Variants in ENY2 observed in about 807,000 individuals in gnomAD.
ENY2 encodes ENY2 transcription and export complex 2 subunit, also known as transcription and mRNA export factor ENY2.
ENY2 carries 4 observed loss-of-function variants against 15.9 expected under a neutral mutation model. The ratio of observed to expected loss-of-function variants is 0.25; its 90% CI spans 0.12 to 0.57. The LOEUF (loss-of-function observed/expected upper bound fraction) is 0.57, where lower values mean the gene tolerates loss of function less well. Among genes scored for constraint, ENY2 ranks in the 20% least tolerant of loss-of-function variants. The probability of loss-of-function intolerance (pLI) is 0.91; values close to 1 mark genes in which losing one functional copy is unlikely to be tolerated. For synonymous variants in ENY2, 48 were observed against 38.0 expected (o/e 1.26, Z -0.97); for missense variants, 54 against 117.2 (o/e 0.46, Z 2.49).
chr8:109,334,354 T>G lies in ENY2; in HGVS notation c.-115T>G. ...TGCGTGTTCTAGCTTTCTGTGTGCT[T>G]AGGTGCCCGAGCTACTGAGGGTCTA... On this transcript the variant is annotated 5_prime_UTR_variant, in exon 1 of 5. Transcript: ENST00000521688. The G allele has an allele frequency of 8.1e-6, 12 of 1,488,080 alleles. No homozygotes were observed. The highest frequency in any genetic ancestry group is 1.1e-5 in the Non-Finnish European group (12 of 1,078,014). The allele number at this position is 1,488,080 out of a possible 1,614,324, so 92.2% of individuals were successfully genotyped here.
intron 4 of ENY2, 130 bp downstream of exon 4, chr8:109,340,693 A>C (rs925646102): frequency 6.8e-5 from 79 of 1,164,722 alleles, no homozygotes; most frequent in Non-Finnish European, 8.8e-5. Flanking sequence ...TAAAGAGTTA[A>C]AATTGCCTAC....
chr8:109,334,408 T>C lies in ENY2; in HGVS notation c.-61T>C, dbSNP rs1233097278. The C allele has an allele frequency of 6.2e-7, 1 of 1,612,592 alleles. No individual in the cohort carries two copies. Among genetic ancestry groups the C allele is most frequent in the Non-Finnish European group, 8.5e-7 (1 of 1,179,408 alleles). On this transcript the variant is annotated 5_prime_UTR_variant, in exon 1 of 5. Transcript: ENST00000521688. ...CCGGGCAGCCGAAGAGTGTGGTAGG[T>C]AACGGTCCTCAGCGCAAGGGTCATT...
chr8:109,340,997 A>G (rs1174763849), intron 4 of ENY2, among the ~76,000 whole-genome samples: 1 of 152,150 alleles, frequency 6.6e-6, no homozygotes, highest in African/African-American at 2.4e-5. Context: ...CTACTTAAGA[A>G]TTTGGTAGCT....
At chr8:109,339,988 T>G (rs992915711) in intron 3 of ENY2, among the ~76,000 whole-genome samples, 2 of 152,152 alleles carry the variant, frequency 1.3e-5, no homozygotes, top group Non-Finnish European at 2.9e-5. Flanking sequence ...TGTGACAAAT[T>G]AGTAAAAGCA....
chr8:109,338,030 G>A (rs890946309), intron 2 of ENY2, among the ~76,000 whole-genome samples: 1 of 152,270 alleles, frequency 6.6e-6, no homozygotes, highest in South Asian at 2.1e-4. Flanking sequence ...GAGGGAGAGT[G>A]GAGATTAAGT....
intron 2 of ENY2, 120 bp from the exon 3 acceptor site, chr8:109,339,200 A>G: frequency 1.3e-6 from 1 of 795,462 alleles, no homozygotes; most frequent in South Asian, 1.7e-5. Flanking sequence ...ATTAGGCCAC[A>G]GTTAAAGTTT....
chr8:109,343,111 A>G (rs1816158809), intron 4 of ENY2, among the ~76,000 whole-genome samples: 1 of 152,342 alleles, frequency 6.6e-6, no homozygotes, highest in African/African-American at 2.4e-5. Context: ...AATCAAATTT[A>G]TCCATCTGTT....
chr8:109,341,379 G>A (rs185598807), intron 4 of ENY2, among the ~76,000 whole-genome samples: 6 of 151,932 alleles, frequency 3.9e-5, no homozygotes, highest in Admixed American at 2.6e-4. Context: ...GAATCCCATG[G>A]TCCTTGTCAG....
intron 3 of ENY2, 150 bp from the exon 4 acceptor site, chr8:109,340,339 G>A (rs1816086386): frequency 2.7e-6 from 3 of 1,104,370 alleles, no homozygotes; most frequent in Non-Finnish European, 3.9e-6. Context: ...TACTTGATGT[G>A]TTTGTAAGGT....
In ENY2 at chr8:109,344,328, A is replaced by G. The variant is rs1586332352; in HGVS notation, c.*847A>G. On this transcript the variant is annotated 3_prime_UTR_variant, in exon 5 of 5. Transcript: ENST00000521688. ...CTTTTGCTGTCTGGGACTTGTAGATAATGGTGTTTCCTAGGGCTCCCTCCA... is the reference window on the plus strand; with the variant it reads ...CTTTTGCTGTCTGGGACTTGTAGATGATGGTGTTTCCTAGGGCTCCCTCCA... 1 of 152,178 alleles carries G rather than the reference A, an allele frequency of 6.6e-6. No individual in the cohort carries two copies. 9.4% of individuals were successfully genotyped at this position (152,178 alleles called of 1,614,324 possible).
intron 1 of ENY2, 194 bp from the exon 2 acceptor site, chr8:109,335,933 AG>A: frequency 2.4e-6 from 1 of 417,504 alleles, no homozygotes; most frequent in East Asian, 3.5e-5. Flanking sequence ...TTTAAAAAAA[AG>A]CAAACCCACA....
Position 109,339,047 on chromosome 8 carries a change from C to G in ENY2, c.84-273C>G. On this transcript the variant is annotated intron_variant, in intron 2 of 4. Transcript: ENST00000521688. The stretch of plus-strand genomic sequence containing the variant: ...GGACGGTGGAGAGTATATAACGTGG[C>G]CAAATAATAGAGCTTCTTGAAAAGT... 6.4e-6 allele frequency: 3 copies of G among 468,664 alleles called. No homozygotes were observed. In the South Asian group the frequency reaches 8.4e-5, roughly 13 times the overall value. The allele number at this position is 468,664 out of a possible 1,614,324, so 29.0% of individuals were successfully genotyped here.
intron 3 of ENY2, 191 bp downstream of exon 3, chr8:109,339,581 C>G: frequency 2.0e-6 from 1 of 495,056 alleles, no homozygotes; most frequent in East Asian, 3.2e-5. Flanking sequence ...TTTTCTGTTT[C>G]TGTTAAGCGT....
In ENY2 at chr8:109,334,416, C is replaced by T. The variant is rs1052643303; in HGVS notation, c.-53C>T. On this transcript the variant is annotated 5_prime_UTR_variant, in exon 1 of 5. Transcript: ENST00000521688. The stretch of plus-strand genomic sequence containing the variant: ...CCGAAGAGTGTGGTAGGTAACGGTC[C>T]TCAGCGCAAGGGTCATTTCGTCGCT... 8.7e-6 allele frequency: 14 copies of T among 1,613,428 alleles called. No homozygotes were observed. Among genetic ancestry groups the T allele is most frequent in the Middle Eastern group, 1.6e-4 (1 of 6,084 alleles).
rs1338521615 is a variant in ENY2, at chr8:109,336,112, A to G, written c.7-16A>G. 1.9e-6 allele frequency: 3 copies of G among 1,612,130 alleles called. No individual in the cohort carries two copies. The highest frequency in any genetic ancestry group is 1.7e-5 in the Admixed American group (1 of 59,966). On this transcript the variant is annotated splice_polypyrimidine_tract_variant and intron_variant, in intron 1 of 4. Transcript: ENST00000521688. ...TTGTAAATGTTCTATATCTGAAAGT[A>G]CATGTTGATGTCCAGGTTAGCAAGA...
intron 2 of ENY2, chr8:109,338,773 G>A (rs1402968466): frequency 6.6e-6 from 1 of 152,198 alleles, no homozygotes; most frequent in African/African-American, 2.4e-5. Context: ...AATGTGGGGA[G>A]AACAACGGTC....
At chr8:109,336,015 G>GT in intron 1 of ENY2, 113 bp from the exon 2 acceptor site, 2 of 882,990 alleles carry the variant, frequency 2.3e-6, no homozygotes, top group Non-Finnish European at 3.6e-6. Context: ...CACTTGAAAT[G>GT]TATCACCCCT....
At chr8:109,334,531 C>G (rs900224830) in intron 1 of ENY2, 57 bp downstream of exon 1, 1 of 1,584,756 alleles carries the variant, frequency 6.3e-7, no homozygotes, top group African/African-American at 1.4e-5. Flanking sequence ...AGGCTCCTTT[C>G]GATGTACTGT....
rs1214577207 is a variant in ENY2, at chr8:109,343,953, G to T, written c.*472G>T. On this transcript the variant is annotated 3_prime_UTR_variant, in exon 5 of 5. Transcript: ENST00000521688. ...AGGACTGGGTCTTACTCATCTTTATGTGCCTTCCTTATGCTTCAAAGAATT... is the reference window on the plus strand; with the variant it reads ...AGGACTGGGTCTTACTCATCTTTATTTGCCTTCCTTATGCTTCAAAGAATT... The T allele has an allele frequency of 6.6e-6, 1 of 152,330 alleles. No homozygotes were observed. The highest frequency in any genetic ancestry group is 1.5e-5 in the Non-Finnish European group (1 of 68,228). The allele number at this position is 152,330 out of a possible 1,614,324, so 9.4% of individuals were successfully genotyped here. A position where few individuals can be genotyped will look rare whatever the true frequency, so the allele number is the denominator to read the frequency against.
Sources: gnomAD v4.1 joint callset for allele counts (sites outside exome capture counted in the v4.1 genomes callset) on GRCh38, gnomAD v4.1.1 for gene constraint, MANE v1.5 for transcripts, NCBI Gene and HGNC (gene_info 2026-07-23, HGNC 2026-07-21) for gene names.